Variants in PRKCB observed in about 807,000 individuals in gnomAD.
PRKCB encodes the protein protein kinase C beta type.
In PRKCB, 13 loss-of-function variants were observed where a neutral mutation model predicts 81.5. The ratio of observed to expected loss-of-function variants is 0.16; its 90% CI spans 0.10 to 0.25. The LOEUF is 0.25. Ranked by LOEUF, PRKCB falls within the 10% of genes least tolerant of loss-of-function variation. The pLI is 1.00. For missense variants in PRKCB, 509 were observed against 875.7 expected (o/e 0.58, Z 5.29); for synonymous variants, 335 against 321.4 (o/e 1.04, Z -0.45).
chr16:24,184,487 T>C (rs1021811962), intron 13 of PRKCB, among the ~76,000 whole-genome samples: 7 of 150,438 alleles, frequency 4.7e-5, no homozygotes, highest in African/African-American at 1.7e-4. Flanking sequence ...AGAAAAAAAA[T>C]CGTCCAAATA....
chr16:23,973,763 C>T (rs1451389030), intron 2 of PRKCB, among the ~76,000 whole-genome samples: 2 of 152,182 alleles, frequency 1.3e-5, no homozygotes, highest in Admixed American at 6.5e-5. Flanking sequence ...TCACTGCAGC[C>T]TCGACCTCCT....
At chr16:24,049,661 G>A (rs796752731) in intron 5 of PRKCB, among the ~76,000 whole-genome samples, 62 of 152,264 alleles carry the variant, frequency 4.1e-4, no homozygotes, top group African/African-American at 1.4e-3. Flanking sequence ...TCTAGAAGCT[G>A]AGAGAAAGAG....
At chr16:23,903,623 AGAG>A (rs546833059) in intron 2 of PRKCB, among the ~76,000 whole-genome samples, 5 of 152,210 alleles carry the variant, frequency 3.3e-5, no homozygotes, top group Non-Finnish European at 5.9e-5. Flanking sequence ...TGGATGGAGA[AGAG>A]GAGAATGCCG....
intron 3 of PRKCB, among the ~76,000 whole-genome samples, chr16:24,031,103 G>T (rs889791786): frequency 3.3e-5 from 5 of 152,056 alleles, no homozygotes; most frequent in Admixed American, 6.6e-5. Context: ...CAAACAACTT[G>T]CACAAACTCA....
At chr16:23,965,670 G>A (rs196008) in intron 2 of PRKCB, among the ~76,000 whole-genome samples, 73,417 of 152,102 alleles carry the variant, frequency 0.48, 18,324 homozygotes, top group Admixed American at 0.56. Flanking sequence ...CTGTGAAAGT[G>A]TAGACTTGGA....
chr16:24,027,241 G>A (rs1046115360), intron 3 of PRKCB, among the ~76,000 whole-genome samples: 5 of 152,030 alleles, frequency 3.3e-5, no homozygotes, highest in Non-Finnish European at 7.4e-5. Context: ...GAGAACATGC[G>A]GTGTTTGATT....
intron 2 of PRKCB, among the ~76,000 whole-genome samples, chr16:23,953,229 G>A (rs1237890063): frequency 6.6e-6 from 1 of 152,160 alleles, no homozygotes; most frequent in Non-Finnish European, 1.5e-5. Flanking sequence ...CTCTCACTGT[G>A]ATTTACCCTA....
rs118095688 is a variant in PRKCB at position 23,954,870 on chromosome 16, G to C, written c.206-33638G>C. On this transcript the variant is annotated intron_variant, in intron 2 of 16. Transcript: ENST00000643927. ...AGTTTGAGAACAGTCTGGACAACACGATGAAACCCTGTCTCTACTAAAACT... is the reference window on the plus strand; with the variant it reads ...AGTTTGAGAACAGTCTGGACAACACCATGAAACCCTGTCTCTACTAAAACT... Among the ~76,000 whole-genome samples the C allele has an allele frequency of 7.3e-3, 1,114 of 152,258 alleles. 23 individuals carry two copies. The highest frequency in any genetic ancestry group is 0.066 in the East Asian group (343 of 5,178).
rs1211508272 is a variant in PRKCB, at chr16:24,112,954, C to T, written c.822-19C>T. ...GAGTCGAGTCATGAAATGTGTCCCA[C>T]CCCCTTGTCTCCCTTCAGGTTTAAG... On this transcript the variant is annotated intron_variant, in intron 7 of 16. Coordinates refer to ENST00000643927, the MANE Select transcript of PRKCB (RefSeq NM_002738.7). 5.8e-6 allele frequency: 9 copies of T among 1,554,776 alleles called. No individual in the cohort carries two copies. The highest frequency in any genetic ancestry group is 2.3e-5 in the East Asian group (1 of 43,584).
intron 10 of PRKCB, among the ~76,000 whole-genome samples, chr16:24,155,651 C>T (rs1267716549): frequency 1.3e-5 from 2 of 152,192 alleles, no homozygotes; most frequent in Non-Finnish European, 2.9e-5. Flanking sequence ...TCTCAACTTA[C>T]TGAGTAGAGT....
chr16:24,200,694 T>C (rs1424888787), intron 16 of PRKCB, among the ~76,000 whole-genome samples: 1 of 152,156 alleles, frequency 6.6e-6, no homozygotes, highest in Non-Finnish European at 1.5e-5. Flanking sequence ...TATATATGCA[T>C]ATGCATACAT....
chr16:24,115,712 A>G (rs9745499), intron 8 of PRKCB, among the ~76,000 whole-genome samples: 6,699 of 151,968 alleles, frequency 0.044, 476 homozygotes, highest in African/African-American at 0.15. Flanking sequence ...CATTTATCCC[A>G]AGGATTTTGT....
intron 3 of PRKCB, among the ~76,000 whole-genome samples, chr16:24,021,231 TTTCC>T (rs1333275777): frequency 0.086 from 1,167 of 13,528 alleles, 47 homozygotes; most frequent in African/African-American, 0.089. Flanking sequence ...TCTTTCTTTC[TTTCC>T]TTCCTTCCTT....
At chr16:23,865,960 C>T (rs1255683097) in intron 2 of PRKCB, among the ~76,000 whole-genome samples, 2 of 152,066 alleles carry the variant, frequency 1.3e-5, no homozygotes, top group Non-Finnish European at 2.9e-5. Flanking sequence ...GTCAAATTGC[C>T]CCCGGGCTCT....
chr16:23,996,142 G>A (rs1488681397), intron 3 of PRKCB, among the ~76,000 whole-genome samples: 1 of 152,150 alleles, frequency 6.6e-6, no homozygotes, highest in Admixed American at 6.5e-5. Flanking sequence ...TGGGGATGAG[G>A]TGTGTGGATA....
Position 24,219,810 on chromosome 16 carries a change from A to G in PRKCB, c.*4994A>G, listed in dbSNP as rs886190634. ...CAACATACAATGTGAAATGAAAGCCAGTGCGTGGAGTGCAGCTGCTAAAAA... is the reference window on the plus strand; with the variant it reads ...CAACATACAATGTGAAATGAAAGCCGGTGCGTGGAGTGCAGCTGCTAAAAA... On this transcript the variant is annotated 3_prime_UTR_variant, in exon 17 of 17. Coordinates refer to ENST00000643927, the MANE Select transcript of PRKCB (RefSeq NM_002738.7). 2.1e-6 allele frequency: 3 copies of G among 1,421,276 alleles called. No homozygotes were observed. Among genetic ancestry groups the G allele is most frequent in the Non-Finnish European group, 2.8e-6 (3 of 1,088,408 alleles). The allele number at this position is 1,421,276 out of a possible 1,614,324, so 88.0% of individuals were successfully genotyped here.
At chr16:24,211,297 A>G (rs1470062925) in intron 16 of PRKCB, among the ~76,000 whole-genome samples, 1 of 152,242 alleles carries the variant, frequency 6.6e-6, no homozygotes, top group Admixed American at 6.5e-5. Context: ...ATTATAGGAA[A>G]CATACGCTGT....
chr16:24,195,252 A>G (rs1443509429), intron 16 of PRKCB, among the ~76,000 whole-genome samples: 1 of 151,334 alleles, frequency 6.6e-6, no homozygotes, highest in Non-Finnish European at 1.5e-5. Flanking sequence ...GCCTGCCTGT[A>G]TGCCTTTTAC....
intron 9 of PRKCB, among the ~76,000 whole-genome samples, chr16:24,131,516 G>A (rs1474342068): frequency 6.6e-6 from 1 of 152,246 alleles, no homozygotes; most frequent in Non-Finnish European, 1.5e-5. Flanking sequence ...GTTGACTATA[G>A]TCTTGGCCAA....
Sources: allele counts gnomAD v4.1 joint callset (sites outside exome capture counted in the v4.1 genomes callset), GRCh38; gene constraint gnomAD v4.1.1; transcripts MANE v1.5; gene names NCBI Gene and HGNC (gene_info 2026-07-23, HGNC 2026-07-21).